Variants in RAPGEF2 observed in about 807,000 individuals in gnomAD.
RAPGEF2 encodes PDZ domain containing guanine nucleotide exchange factor (GEF) 1.
RAPGEF2 carries 54 observed loss-of-function variants against 186.7 expected under a neutral mutation model. The observed-to-expected ratio is 0.29, with a 90% CI of 0.23 to 0.36. The LOEUF (loss-of-function observed/expected upper bound fraction) is 0.36. Ranked by LOEUF, RAPGEF2 falls within the 10% of genes least tolerant of loss-of-function variation. RAPGEF2 has a pLI of 1.00. For synonymous variants in RAPGEF2, 712 were observed against 705.9 expected, an observed-to-expected ratio of 1.01 and a Z score of -0.14; for missense variants, 1,532 against 2,045.0, an observed-to-expected ratio of 0.75 and a Z score of 4.84.
intron 4 of RAPGEF2, among the ~76,000 whole-genome samples, chr4:159,231,580 T>G (rs1054615603): frequency 6.6e-6 from 1 of 151,880 alleles, no homozygotes; most frequent in African/African-American, 2.4e-5. Context: ...GAAAGAAAAA[T>G]GTTCATATAA....
intron 1 of RAPGEF2, among the ~76,000 whole-genome samples, chr4:159,169,492 T>G (rs1579359635): frequency 2.0e-5 from 3 of 152,328 alleles, no homozygotes; most frequent in African/African-American, 7.2e-5. Context: ...AATATATTGT[T>G]GTTAACTGTA....
In RAPGEF2 at chr4:159,194,619, C is replaced by A. The variant is rs554514901; in HGVS notation, c.197+1363C>A. ...GATAGTGACTTTAACAAACCTTAAA[C>A]ACAAGATTATCAAGTCTTTAAAAAT... On this transcript the variant is annotated intron_variant, in intron 3 of 29. Transcript: ENST00000691494. 2.8e-4 allele frequency among the ~76,000 whole-genome samples: 42 copies of A among 152,226 alleles called. 2 individuals are homozygous for A. Among genetic ancestry groups the A allele is most frequent in the Admixed American group, 2.0e-3 (30 of 15,300 alleles).
At chr4:159,188,809 G>C (rs1747818079) in intron 2 of RAPGEF2, among the ~76,000 whole-genome samples, 1 of 152,184 alleles carries the variant, frequency 6.6e-6, no homozygotes, top group Non-Finnish European at 1.5e-5. Context: ...CAAGGGTATA[G>C]TTGAGTCTAT....
At chr4:159,126,405 TAAG>T (rs1289190910) in intron 1 of RAPGEF2, among the ~76,000 whole-genome samples, 1 of 152,110 alleles carries the variant, frequency 6.6e-6, no homozygotes, top group Non-Finnish European at 1.5e-5. Flanking sequence ...TTTTTAAAAA[TAAG>T]AAAGTCTCAC....
intron 7 of RAPGEF2, among the ~76,000 whole-genome samples, chr4:159,274,505 G>A (rs937281579): frequency 4.6e-5 from 7 of 152,250 alleles, no homozygotes; most frequent in African/African-American, 9.6e-5. Context: ...ATACGTGTGC[G>A]TGTATAAGTG....
At chr4:159,124,797 G>T (rs574579335) in intron 1 of RAPGEF2, among the ~76,000 whole-genome samples, 25 of 151,932 alleles carry the variant, frequency 1.6e-4, no homozygotes, top group African/African-American at 5.1e-4. Flanking sequence ...ATACTCTGAG[G>T]GGAAAAAAGA....
At chr4:159,188,072 G>A (rs568674019) in intron 2 of RAPGEF2, among the ~76,000 whole-genome samples, 25 of 150,812 alleles carry the variant, frequency 1.7e-4, no homozygotes, top group African/African-American at 5.2e-4. Flanking sequence ...TTTAGAAGAT[G>A]GCTCAAATTA....
At chr4:159,169,053 C>T (rs1043734474) in intron 1 of RAPGEF2, among the ~76,000 whole-genome samples, 1 of 152,126 alleles carries the variant, frequency 6.6e-6, no homozygotes. Context: ...GTATATTGTA[C>T]CAACCTTTGT....
chr4:159,104,881 A>G (rs1737710117), intron 1 of RAPGEF2, among the ~76,000 whole-genome samples: 1 of 152,200 alleles, frequency 6.6e-6, no homozygotes, highest in African/African-American at 2.4e-5. Flanking sequence ...AGGGAAAAAA[A>G]GTTGAATAGC....
rs17038055 is a variant in RAPGEF2, at chr4:159,352,692, T to G, written c.3873T>G (p.Thr1291=). The G allele has an allele frequency of 5.0e-3, 7,984 of 1,611,976 alleles. 350 individuals carry two copies. In the African/African-American group the frequency reaches 0.095, roughly 19 times the overall value. Residue 1291 remains threonine (T), a synonymous_variant, in exon 27 of 30, where the codon ACT becomes ACG. Coordinates refer to ENST00000691494, the MANE Select transcript of RAPGEF2 (RefSeq NM_001394067.2). Reference sequence around the variant, plus strand: ...GTTGTATTTCTCATGCAGGCTATACTTTGGCTCCCAGTGGTACTGTGGATA... The same window carrying G: ...GTTGTATTTCTCATGCAGGCTATACGTTGGCTCCCAGTGGTACTGTGGATA... ...SPQSSPRKGY[T]LAPSGTVDNF... is the part of the protein sequence containing the mutation.
At chr4:159,284,442 T>C (rs1157903009) in intron 7 of RAPGEF2, among the ~76,000 whole-genome samples, 1 of 150,828 alleles carries the variant, frequency 6.6e-6, no homozygotes, top group African/African-American at 2.4e-5. Context: ...GTTGGAAATA[T>C]TAAGAATATA....
intron 7 of RAPGEF2, among the ~76,000 whole-genome samples, chr4:159,289,149 G>C (rs1383003417): frequency 6.6e-6 from 1 of 152,070 alleles, no homozygotes; most frequent in African/African-American, 2.4e-5. Flanking sequence ...AGGGAGCAGG[G>C]ATTTTGCTAA....
intron 9 of RAPGEF2, among the ~76,000 whole-genome samples, chr4:159,321,389 G>A (rs1299739440): frequency 2.0e-5 from 3 of 151,946 alleles, no homozygotes; most frequent in East Asian, 1.9e-4. Context: ...AAAATATTTT[G>A]TAGAGATAGG....
chr4:159,183,200 C>A (rs1747205200), intron 1 of RAPGEF2, among the ~76,000 whole-genome samples: 1 of 152,204 alleles, frequency 6.6e-6, no homozygotes, highest in African/African-American at 2.4e-5. Context: ...CTACTCAAGA[C>A]AGCGTGATAC....
chr4:159,292,176 C>G (rs1256422555), intron 7 of RAPGEF2, among the ~76,000 whole-genome samples: 5 of 152,172 alleles, frequency 3.3e-5, no homozygotes, highest in Non-Finnish European at 4.4e-5. Flanking sequence ...AGGGTAAAAT[C>G]CAAACTCTTT....
chr4:159,191,025 G>T (rs940681418), intron 2 of RAPGEF2, among the ~76,000 whole-genome samples: 2 of 152,210 alleles, frequency 1.3e-5, no homozygotes, highest in Non-Finnish European at 1.5e-5. Context: ...ATGAGTGGCT[G>T]CCGTGATGAG....
At position 159,331,806 on chromosome 4, in the gene RAPGEF2, T is replaced by C. The variant is rs1561295067; in HGVS notation, c.1752T>C (p.Thr584=). ...GTGTAGATTCAGGTAGCAAAGCAAC[T>C]GAAGCAGGCTTGAAACGGGGGGATC... is the stretch of plus-strand genomic sequence containing the variant. ...VDSVDSGSKA[T]EAGLKRGDQI... The change falls in exon 15 of 30, where the codon ACT becomes ACC. Residue 584 remains threonine, a synonymous_variant. Transcript: ENST00000691494. 6.2e-7 allele frequency: 1 copy of C among 1,613,612 alleles called. No homozygotes were observed. The highest frequency in any genetic ancestry group is 8.5e-7 in the Non-Finnish European group (1 of 1,179,894).
chr4:159,108,760 T>C (rs1175792342), intron 1 of RAPGEF2, among the ~76,000 whole-genome samples: 1 of 151,852 alleles, frequency 6.6e-6, no homozygotes, highest in Non-Finnish European at 1.5e-5. Context: ...ATATATATAT[T>C]TGGAATAGGG....
chr4:159,255,585 C>G (rs1756063814), intron 7 of RAPGEF2, among the ~76,000 whole-genome samples: 1 of 152,162 alleles, frequency 6.6e-6, no homozygotes, highest in Non-Finnish European at 1.5e-5. Context: ...AATGTTGTCT[C>G]AACTCCTCAA....
Sources: allele counts gnomAD v4.1 joint callset (sites outside exome capture counted in the v4.1 genomes callset), GRCh38; gene constraint gnomAD v4.1.1; transcripts MANE v1.5; gene names NCBI Gene and HGNC (gene_info 2026-07-23, HGNC 2026-07-21).